CDH18: variants seen among roughly 807,000 people sequenced by gnomAD.
The protein encoded by CDH18 is cadherin-18.
A neutral mutation model predicts 67.9 loss-of-function variants in CDH18; 31 were observed. The observed-to-expected ratio is 0.46, with a 90% CI of 0.34 to 0.62. The LOEUF is 0.62. CDH18 is among the 20% of genes least tolerant of loss of function. The pLI is 0.01. For synonymous variants in CDH18, 362 were observed against 347.2 expected (o/e 1.04, Z -0.48); for missense variants, 890 against 975.5 (o/e 0.91, Z 1.17).
At chr5:20,395,286 T>G (rs1034421390) in intron 1 of CDH18, among the ~76,000 whole-genome samples, 2 of 152,198 alleles carry the variant, frequency 1.3e-5, no homozygotes, top group South Asian at 2.1e-4. Context: ...TAATACCTTT[T>G]GCAGCAATTT....
intron 12 of CDH18, among the ~76,000 whole-genome samples, chr5:19,474,703 T>TAC: frequency 6.6e-6 from 1 of 152,220 alleles, no homozygotes. Flanking sequence ...ACTATAAAAA[T>TAC]ACTCTACTTC....
chr5:20,093,047 T>C (rs1312540468), intron 2 of CDH18, among the ~76,000 whole-genome samples: 1 of 152,162 alleles, frequency 6.6e-6, no homozygotes, highest in Non-Finnish European at 1.5e-5. Context: ...ATTTTAACCA[T>C]TTTCAAGTGT....
chr5:20,196,134 T>A (rs1561868054), intron 2 of CDH18, among the ~76,000 whole-genome samples: 1 of 152,166 alleles, frequency 6.6e-6, no homozygotes, highest in Non-Finnish European at 1.5e-5. Flanking sequence ...GGCAGGGTGT[T>A]GTTTCTGCAT....
At chr5:19,576,859 A>G (rs1742393243) in intron 7 of CDH18, among the ~76,000 whole-genome samples, 1 of 152,232 alleles carries the variant, frequency 6.6e-6, no homozygotes, top group Non-Finnish European at 1.5e-5. Context: ...CACGAATAAA[A>G]GGATTTTAAA....
chr5:20,289,662 A>T (rs1746958845), intron 1 of CDH18, among the ~76,000 whole-genome samples: 2 of 151,988 alleles, frequency 1.3e-5, no homozygotes, highest in African/African-American at 4.8e-5. Flanking sequence ...CTTAGTTTCT[A>T]GCTGCAACAA....
chr5:20,458,952 G>T (rs1477017270), intron 1 of CDH18, among the ~76,000 whole-genome samples: 1 of 152,008 alleles, frequency 6.6e-6, no homozygotes, highest in Non-Finnish European at 1.5e-5. Context: ...ATTCCACATA[G>T]TTCTTTACTT....
chr5:19,487,379 G>A (rs1740580048), intron 11 of CDH18, among the ~76,000 whole-genome samples: 1 of 152,080 alleles, frequency 6.6e-6, no homozygotes, highest in African/African-American at 2.4e-5. Flanking sequence ...CTGGAGTACT[G>A]GGCATAGTTT....
intron 2 of CDH18, among the ~76,000 whole-genome samples, chr5:19,908,759 T>C (rs1422149492): frequency 1.3e-5 from 2 of 152,178 alleles, no homozygotes; most frequent in Non-Finnish European, 2.9e-5. Flanking sequence ...AGGATGAACA[T>C]TCATAATGAT....
intron 2 of CDH18, among the ~76,000 whole-genome samples, 188 bp from the exon 3 acceptor site, chr5:19,839,430 G>C (rs1361153950): frequency 1.3e-5 from 2 of 152,076 alleles, no homozygotes; most frequent in Non-Finnish European, 2.9e-5. Flanking sequence ...CTTCCTGTCT[G>C]TACCATTAAT....
intron 1 of CDH18, among the ~76,000 whole-genome samples, chr5:20,460,176 C>T (rs935783288): frequency 2.0e-5 from 3 of 151,896 alleles, no homozygotes; most frequent in African/African-American, 4.8e-5. Context: ...GGGTGGATCA[C>T]GAAGTCAAGA....
chr5:19,805,164 C>T (rs908375940), intron 3 of CDH18, among the ~76,000 whole-genome samples: 1 of 152,050 alleles, frequency 6.6e-6, no homozygotes, highest in Non-Finnish European at 1.5e-5. Context: ...TCAGGCTAGT[C>T]TCAAAACTCC....
chr5:19,633,013 A>G (rs1229869949), intron 5 of CDH18, among the ~76,000 whole-genome samples: 1 of 152,098 alleles, frequency 6.6e-6, no homozygotes. Flanking sequence ...GTAGTGGCCA[A>G]CGTAGTGTGC....
At chr5:19,646,192 C>T (rs1554068113) in intron 5 of CDH18, among the ~76,000 whole-genome samples, 1 of 151,990 alleles carries the variant, frequency 6.6e-6, no homozygotes, top group Non-Finnish European at 1.5e-5. Flanking sequence ...TCAGGAATGG[C>T]TTGTTTGTTT....
chr5:20,162,984 G>A (rs539799459), intron 2 of CDH18, among the ~76,000 whole-genome samples: 1 of 151,888 alleles, frequency 6.6e-6, no homozygotes, highest in Non-Finnish European at 1.5e-5. Flanking sequence ...GCTTGAACCC[G>A]GGAGGCGGAG....
intron 6 of CDH18, among the ~76,000 whole-genome samples, chr5:19,596,117 T>C (rs984863226): frequency 1.8e-4 from 27 of 152,194 alleles, no homozygotes; most frequent in Non-Finnish European, 3.7e-4. Context: ...TTCTCAAAAA[T>C]GTTGAACTGG....
intron 1 of CDH18, among the ~76,000 whole-genome samples, chr5:20,539,415 A>G (rs1581170724): frequency 1.3e-5 from 2 of 152,118 alleles, no homozygotes. Flanking sequence ...AGCTTTCAGT[A>G]GTTAAAATGC....
chr5:20,246,346 C>G (rs1438105957), intron 2 of CDH18, among the ~76,000 whole-genome samples: 1 of 152,150 alleles, frequency 6.6e-6, no homozygotes. Flanking sequence ...GTTACAAACA[C>G]AGCTGTGTTT....
intron 2 of CDH18, among the ~76,000 whole-genome samples, chr5:19,936,984 T>C (rs1794346512): frequency 6.6e-6 from 1 of 151,336 alleles, no homozygotes; most frequent in South Asian, 2.1e-4. Context: ...ATTATAAACA[T>C]GGCCATATAT....
intron 5 of CDH18, among the ~76,000 whole-genome samples, chr5:19,678,491 G>T (rs1219882041): frequency 1.3e-5 from 2 of 151,846 alleles, no homozygotes; most frequent in East Asian, 3.9e-4. Flanking sequence ...AGTGTTAAGA[G>T]GGAAGATTAT....
Sources: allele counts gnomAD v4.1 joint callset (sites outside exome capture counted in the v4.1 genomes callset), GRCh38; gene constraint gnomAD v4.1.1; transcripts MANE v1.5; gene names NCBI Gene and HGNC (gene_info 2026-07-23, HGNC 2026-07-21).